HIVEP1: variants seen among roughly 807,000 people sequenced by gnomAD.
The protein encoded by HIVEP1 is HIVEP zinc finger 1, also known as zinc finger protein 40.
Under a neutral mutation model 180.0 loss-of-function variants are expected in HIVEP1, and 36 were observed. The ratio of observed to expected loss-of-function variants is 0.20; its 90% CI spans 0.15 to 0.26. HIVEP1 has a LOEUF of 0.26. Among genes scored for constraint, HIVEP1 ranks in the 10% least tolerant of loss-of-function variants. The probability of loss-of-function intolerance (pLI) is 1.00; values close to 1 mark genes in which losing one functional copy is unlikely to be tolerated. For missense variants in HIVEP1, 3,143 were observed against 3,268.7 expected (o/e 0.96, Z 0.94); for synonymous variants, 1,239 against 1,239.0 (o/e 1.00, Z 0.00).
chr6:12,131,310 C>T (rs1185126864), intron 6 of HIVEP1, among the ~76,000 whole-genome samples: 8 of 152,022 alleles, frequency 5.3e-5, no homozygotes, highest in Admixed American at 2.0e-4. Flanking sequence ...AGTAAATTCG[C>T]TGGGTGCTAA....
chr6:12,039,427 A>T (rs907764620), intron 2 of HIVEP1, among the ~76,000 whole-genome samples: 4 of 152,254 alleles, frequency 2.6e-5, no homozygotes, highest in African/African-American at 9.6e-5. Flanking sequence ...CTATGCAGGT[A>T]AACAAGCCTC....
At chr6:12,051,001 C>CATATATAT (rs1161977899) in intron 2 of HIVEP1, among the ~76,000 whole-genome samples, 6,758 of 77,398 alleles carry the variant, frequency 0.087, 589 homozygotes, top group East Asian at 0.17. Context: ...TACACAAGTG[C>CATATATAT]ATATATATAT....
intron 7 of HIVEP1, among the ~76,000 whole-genome samples, chr6:12,143,484 G>GA (rs201470011): frequency 0.012 from 1,767 of 152,296 alleles, 32 homozygotes; most frequent in African/African-American, 0.04. Flanking sequence ...ACAAGACAAG[G>GA]ATGCCCTCTC....
At chr6:12,165,064 C>A, downstream of HIVEP1, 1 of 486,194 alleles carries the variant, frequency 2.1e-6, no homozygotes, top group Non-Finnish European at 4.0e-6. Flanking sequence ...TGGAAAATAG[C>A]CCTGGGTTCC....
At chr6:12,129,627 C>T in intron 4 of HIVEP1, 132 bp from the exon 5 acceptor site, 1 of 745,798 alleles carries the variant, frequency 1.3e-6, no homozygotes, top group Non-Finnish European at 2.4e-6. Context: ...GCCCTTTGAA[C>T]CTATTACTAC....
intron 2 of HIVEP1, among the ~76,000 whole-genome samples, chr6:12,022,952 T>C (rs1768341286): frequency 6.6e-6 from 1 of 152,238 alleles, no homozygotes; most frequent in Non-Finnish European, 1.5e-5. Flanking sequence ...TTGCCTCGTT[T>C]TTTGACAGTG....
chr6:12,078,136 G>T (rs1366419712), intron 2 of HIVEP1, among the ~76,000 whole-genome samples: 1 of 152,198 alleles, frequency 6.6e-6, no homozygotes. Flanking sequence ...TGACAGGCAG[G>T]TCTGTTGATC....
intron 2 of HIVEP1, among the ~76,000 whole-genome samples, chr6:12,054,982 C>T (rs1050189851): frequency 3.3e-5 from 5 of 152,172 alleles, no homozygotes; most frequent in African/African-American, 1.2e-4. Flanking sequence ...ATTGTCTTCT[C>T]GCTAGGTAGT....
chr6:12,015,470 G>GT, intron 1 of HIVEP1, 56 bp from the exon 2 acceptor site: 1 of 619,008 alleles, frequency 1.6e-6, no homozygotes, highest in Non-Finnish European at 2.8e-6. Context: ...AACTTTTAAA[G>GT]TATCTTTCTC....
At chr6:12,103,407 C>T (rs931498561) in intron 3 of HIVEP1, among the ~76,000 whole-genome samples, 3 of 152,032 alleles carry the variant, frequency 2.0e-5, no homozygotes, top group South Asian at 2.1e-4. Context: ...GAACCTAGAC[C>T]CTGGCTTCCC....
chr6:12,160,747 T>C (rs1339624811), intron 7 of HIVEP1, among the ~76,000 whole-genome samples: 1 of 152,224 alleles, frequency 6.6e-6, no homozygotes, highest in African/African-American at 2.4e-5. Context: ...ACGGTTAAGC[T>C]ATAGAATGTG....
intron 6 of HIVEP1, among the ~76,000 whole-genome samples, chr6:12,133,276 CAT>C (rs1758526051): frequency 6.6e-6 from 1 of 152,140 alleles, no homozygotes; most frequent in African/African-American, 2.4e-5. Context: ...CAGCAGAAAA[CAT>C]ATAGAGAGCT....
At chr6:12,211,692 A>G in the HIVEP1 span, among the ~76,000 whole-genome samples, 2 of 152,108 alleles carry the variant, frequency 1.3e-5, no homozygotes, top group African/African-American at 4.8e-5. Context: ...AGAAACTAAC[A>G]AATCCCACAA....
intron 2 of HIVEP1, among the ~76,000 whole-genome samples, chr6:12,046,195 A>T (rs1295283929): frequency 6.6e-6 from 1 of 152,236 alleles, no homozygotes; most frequent in African/African-American, 2.4e-5. Flanking sequence ...AAATAATTTT[A>T]TGTGTTTACA....
At chr6:12,180,283 C>T in the HIVEP1 span, among the ~76,000 whole-genome samples, 5 of 152,186 alleles carry the variant, frequency 3.3e-5, no homozygotes, top group African/African-American at 1.2e-4. Flanking sequence ...TTTCTAACTA[C>T]AGGCCCATTA....
At chr6:12,146,915 A>G (rs1022446744) in intron 7 of HIVEP1, among the ~76,000 whole-genome samples, 3 of 152,124 alleles carry the variant, frequency 2.0e-5, no homozygotes, top group Admixed American at 1.3e-4. Flanking sequence ...AATCAGGGAA[A>G]GACCGGTGAT....
At chr6:12,211,170 C>T in the HIVEP1 span, among the ~76,000 whole-genome samples, 32,897 of 140,234 alleles carry the variant, frequency 0.23, 4,027 homozygotes, top group East Asian at 0.31. Flanking sequence ...GAGGCTGAGG[C>T]GGGCGGATCA....
At chr6:12,177,446 A>T in the HIVEP1 span, among the ~76,000 whole-genome samples, 1 of 152,214 alleles carries the variant, frequency 6.6e-6, no homozygotes, top group African/African-American at 2.4e-5. Context: ...TGAGAAAGTC[A>T]TTATATCTTC....
chr6:12,111,104 A>G (rs1204462366), intron 3 of HIVEP1, among the ~76,000 whole-genome samples: 1 of 152,226 alleles, frequency 6.6e-6, no homozygotes, highest in Middle Eastern at 3.2e-3. Context: ...TGCAGCCCCA[A>G]AATAATTACA....
Sources: allele counts gnomAD v4.1 joint callset (sites outside exome capture counted in the v4.1 genomes callset), GRCh38; gene constraint gnomAD v4.1.1; transcripts MANE v1.5; gene names NCBI Gene and HGNC (gene_info 2026-07-23, HGNC 2026-07-21).